Variants in ABCA13 observed in about 807,000 individuals in gnomAD.
ABCA13 encodes the protein ATP-binding cassette sub-family A member 13.
In ABCA13, 476 loss-of-function variants were observed where a neutral mutation model predicts 478.7. That is an observed-to-expected ratio of 0.99 (90% CI 0.92 to 1.07). The LOEUF (loss-of-function observed/expected upper bound fraction) is 1.07. Among genes scored for constraint, ABCA13 ranks in the 50% least tolerant of loss-of-function variants. The probability of loss-of-function intolerance (pLI) is 0.00; values close to 1 mark genes in which losing one functional copy is unlikely to be tolerated. For synonymous variants in ABCA13, 2,252 were observed against 2,158.9 expected, an observed-to-expected ratio of 1.04 and a Z score of -1.20; for missense variants, 6,060 against 5,910.6, an observed-to-expected ratio of 1.03 and a Z score of -0.83.
chr7:48,225,754 A>T (rs1474356779), intron 5 of ABCA13, among the ~76,000 whole-genome samples: 1 of 152,162 alleles, frequency 6.6e-6, no homozygotes, highest in East Asian at 1.9e-4. Flanking sequence ...AAGATGGCAG[A>T]TAATAACATG....
chr7:48,595,636 GT>G (rs1167271712), intron 58 of ABCA13, among the ~76,000 whole-genome samples: 8 of 152,162 alleles, frequency 5.3e-5, no homozygotes, highest in Admixed American at 3.9e-4. Context: ...TGTCAGCATG[GT>G]TTCTCATTGG....
chr7:48,580,812 G>A (rs891906187), intron 56 of ABCA13, among the ~76,000 whole-genome samples: 1 of 151,414 alleles, frequency 6.6e-6, no homozygotes, highest in African/African-American at 2.4e-5. Flanking sequence ...TTCCTGATGA[G>A]TGGGCGGACA....
Position 48,434,202 on chromosome 7 carries a change from A to G in ABCA13, c.12565+6331A>G, listed in dbSNP as rs890128805. Reference sequence around the variant, plus strand: ...TTATTCCACCTTTTAAATAATAATCATCCTAATGGGTGTGAAGTGGTATCT... The same window carrying G: ...TTATTCCACCTTTTAAATAATAATCGTCCTAATGGGTGTGAAGTGGTATCT... On this transcript the variant is annotated intron_variant, in intron 42 of 61. Transcript: ENST00000435803. Among the ~76,000 whole-genome samples, 7 of 152,112 alleles carry G rather than the reference A, an allele frequency of 4.6e-5. No homozygotes were observed. In the East Asian group the frequency reaches 7.7e-4, roughly 17 times the overall value.
intron 35 of ABCA13, among the ~76,000 whole-genome samples, chr7:48,378,850 T>C (rs1437766241): frequency 6.6e-6 from 1 of 152,236 alleles, no homozygotes; most frequent in Admixed American, 6.5e-5. Context: ...CTGTGACCTC[T>C]AATGAGTTAT....
In ABCA13 at chr7:48,436,849, T is replaced by C. The variant is rs530432347; in HGVS notation, c.12565+8978T>C. ...TCTGTTTTTTTTTTCTGTTGTTGAT[T>C]TCTAATTTCTTTCCACTATGTTCAG... is the stretch of plus-strand genomic sequence containing the variant. On this transcript the variant is annotated intron_variant, in intron 42 of 61. Coordinates refer to ENST00000435803, the MANE Select transcript of ABCA13 (RefSeq NM_152701.5). Among the ~76,000 whole-genome samples the C allele has an allele frequency of 7.8e-4, 118 of 152,086 alleles. No individual in the cohort carries two copies. The Middle Eastern group carries it at 0.01, about 13-fold the overall frequency.
chr7:48,471,177 C>T (rs529419522), intron 44 of ABCA13, among the ~76,000 whole-genome samples: 4 of 152,252 alleles, frequency 2.6e-5, no homozygotes, highest in South Asian at 4.2e-4. Context: ...AAGGAATTGA[C>T]GTCTTGCTGT....
At chr7:48,485,560 T>C (rs1286677545) in intron 47 of ABCA13, among the ~76,000 whole-genome samples, 1 of 152,180 alleles carries the variant, frequency 6.6e-6, no homozygotes, top group Non-Finnish European at 1.5e-5. Flanking sequence ...AAAGAATCTA[T>C]AAAACCTTTC....
In ABCA13 at chr7:48,520,219, T is replaced by A; in HGVS notation, c.13976T>A (p.Val4659Glu). The change falls in exon 53 of 62, where the codon GTG (valine) becomes GAG (glutamate). Residue 4659 changes from valine to glutamate, a missense_variant. Around this residue, in one of 3 missense-constraint regions of ABCA13, gnomAD observed 1,627 missense variants for 1,571.0 expected, o/e 1.04. Transcript: ENST00000435803. ...ATGAACTTTCTGGGCTGGATCTTCGTGCAACTGGCCTCGCAGGGCACAGTA... is the reference window on the plus strand; with the variant it reads ...ATGAACTTTCTGGGCTGGATCTTCGAGCAACTGGCCTCGCAGGGCACAGTA... ...FEMNFLGWIFVQLASQGTVLL... is the reference protein window; with the variant it reads ...FEMNFLGWIFEQLASQGTVLL... The A allele has an allele frequency of 1.9e-6, 3 of 1,613,688 alleles. No individual in the cohort carries two copies. The highest frequency in any genetic ancestry group is 1.7e-5 in the Admixed American group (1 of 59,998).
chr7:48,408,525 T>G (rs1818567711), intron 39 of ABCA13, among the ~76,000 whole-genome samples: 1 of 152,222 alleles, frequency 6.6e-6, no homozygotes, highest in African/African-American at 2.4e-5. Context: ...ACCTTCAAGC[T>G]CTATTGCTTT....
At chr7:48,384,270 T>C (rs1403322342) in intron 35 of ABCA13, among the ~76,000 whole-genome samples, 1 of 152,236 alleles carries the variant, frequency 6.6e-6, no homozygotes, top group Non-Finnish European at 1.5e-5. Context: ...CACACACTCA[T>C]TGTTCACGTA....
intron 56 of ABCA13, among the ~76,000 whole-genome samples, chr7:48,585,440 A>T (rs183615925): frequency 6.6e-6 from 1 of 152,308 alleles, no homozygotes; most frequent in Non-Finnish European, 1.5e-5. Context: ...TGCATTTCCT[A>T]GAATTATACT....
At chr7:48,511,962 A>G (rs1208141109) in intron 51 of ABCA13, among the ~76,000 whole-genome samples, 1 of 152,196 alleles carries the variant, frequency 6.6e-6, no homozygotes, top group Non-Finnish European at 1.5e-5. Flanking sequence ...GAATTATTCA[A>G]AACATCTAAT....
chr7:48,623,939 C>T (rs1043886189), intron 59 of ABCA13, among the ~76,000 whole-genome samples: 7 of 152,060 alleles, frequency 4.6e-5, no homozygotes, highest in African/African-American at 1.4e-4. Flanking sequence ...GAGGGTAGGT[C>T]GTTAGGTTGA....
intron 19 of ABCA13, among the ~76,000 whole-genome samples, chr7:48,283,156 G>A (rs1453510997): frequency 1.3e-5 from 2 of 151,996 alleles, no homozygotes; most frequent in Non-Finnish European, 2.9e-5. Flanking sequence ...CACAGTGGAC[G>A]TATTCCCAAC....
At chr7:48,368,687 G>GTATA (rs201820250) in intron 32 of ABCA13, among the ~76,000 whole-genome samples, 3,350 of 122,582 alleles carry the variant, frequency 0.027, 65 homozygotes, top group Middle Eastern at 0.073. Context: ...GTGTGTATGT[G>GTATA]TATATATATA....
At position 48,339,542 on chromosome 7, in the gene ABCA13, G is replaced by A. The variant is rs186635450; in HGVS notation, c.10204+1087G>A. 4.7e-4 allele frequency among the ~76,000 whole-genome samples: 72 copies of A among 152,266 alleles called. No homozygotes were observed. In the East Asian group the frequency reaches 0.013, roughly 27 times the overall value. ...ATGCAGATGTCTTAGAGTGTGAATC[G>A]TACCTGAGCCACATTTGTTCAACAT... On this transcript the variant is annotated intron_variant, in intron 29 of 61. Transcript: ENST00000435803.
chr7:48,557,834 T>C lies in ABCA13; in HGVS notation c.14355-22390T>C, dbSNP rs1585800798. Among the ~76,000 whole-genome samples, 3 of 152,280 alleles carry C rather than the reference T, an allele frequency of 2.0e-5. No individual in the cohort carries two copies. In the South Asian group the frequency reaches 6.2e-4, roughly 32 times the overall value. On this transcript the variant is annotated intron_variant, in intron 55 of 61. Coordinates refer to ENST00000435803, the MANE Select transcript of ABCA13 (RefSeq NM_152701.5). ...ACCTTCTTGTACTTAAATGTTGATA[T>C]CCTTCTCTCAGTTTGGTAAGTTCTC...
chr7:48,208,484 A>G (rs1469758483), intron 3 of ABCA13, among the ~76,000 whole-genome samples: 1 of 151,922 alleles, frequency 6.6e-6, no homozygotes, highest in African/African-American at 2.4e-5. Flanking sequence ...AATTTCTTTC[A>G]TCAGGGTTTT....
Position 48,455,267 on chromosome 7 carries a change from G to A in ABCA13, c.12796G>A (p.Ala4266Thr). The A allele has an allele frequency of 1.2e-6, 2 of 1,604,594 alleles. No homozygotes were observed. Among genetic ancestry groups the A allele is most frequent in the South Asian group, 1.1e-5 (1 of 89,372 alleles). Residue 4266 changes from alanine (A) to threonine (T), a missense_variant, in exon 43 of 62, where the codon GCC becomes ACC. Around this residue, in one of 3 missense-constraint regions of ABCA13, gnomAD observed 1,627 missense variants for 1,571.0 expected, o/e 1.04. Transcript: ENST00000435803. ...LRLTPGHYQR[A>T]ETYFFSSGGD... ...ACTCACACCTGGACATTACCAGCGG[G>A]CCGAGACCTACTTTTTCAGGTAAGT...
Sources: allele counts gnomAD v4.1 joint callset (sites outside exome capture counted in the v4.1 genomes callset), GRCh38; gene constraint gnomAD v4.1.1; regional missense constraint gnomAD v4.1.1; transcripts MANE v1.5; gene names NCBI Gene and HGNC (gene_info 2026-07-23, HGNC 2026-07-21).